Variants in RPSA2 observed in about 807,000 individuals in gnomAD.
RPSA2 encodes the protein small ribosomal subunit protein uS2B.
the RPSA2 span, among the ~76,000 whole-genome samples, chr19:23,868,497 G>A: frequency 6.8e-5 from 10 of 146,182 alleles, no homozygotes; most frequent in African/African-American, 2.0e-4. Flanking sequence ...ACGTTACAAC[G>A]CATGTTGAGA....
chr19:23,848,456 G>C, the RPSA2 span, among the ~76,000 whole-genome samples: 1 of 151,680 alleles, frequency 6.6e-6, no homozygotes, highest in Non-Finnish European at 1.5e-5. Flanking sequence ...CTTAATCCAA[G>C]TCATGGGGTT....
chr19:23,783,022 T>A, the RPSA2 span, among the ~76,000 whole-genome samples: 2 of 152,076 alleles, frequency 1.3e-5, no homozygotes, highest in East Asian at 3.9e-4. Flanking sequence ...TGCATTTAGG[T>A]GCGTCCATCA....
the RPSA2 span, among the ~76,000 whole-genome samples, chr19:23,825,855 C>G: frequency 6.6e-6 from 1 of 152,102 alleles, no homozygotes; most frequent in Non-Finnish European, 1.5e-5. Flanking sequence ...TCCCAATGTA[C>G]TGAGATTACA....
chr19:23,776,947 G>C, the RPSA2 span, among the ~76,000 whole-genome samples: 1 of 152,128 alleles, frequency 6.6e-6, no homozygotes, highest in Non-Finnish European at 1.5e-5. Context: ...AAGTTTCTGG[G>C]CCCAGCACCT....
the RPSA2 span, among the ~76,000 whole-genome samples, chr19:23,760,675 T>A: frequency 2.0e-4 from 30 of 149,068 alleles, no homozygotes; most frequent in African/African-American, 6.9e-4. Flanking sequence ...ATATATTTTT[T>A]TTTTTTTAAG....
At chr19:23,760,344 G>C in the RPSA2 span, among the ~76,000 whole-genome samples, 1 of 152,044 alleles carries the variant, frequency 6.6e-6, no homozygotes, top group African/African-American at 2.4e-5. Flanking sequence ...TTTCAGGCTT[G>C]TATGGGTGTA....
chr19:23,867,952 A>G, the RPSA2 span, among the ~76,000 whole-genome samples: 1 of 152,076 alleles, frequency 6.6e-6, no homozygotes, highest in East Asian at 1.9e-4. Context: ...GGGTGGATCA[A>G]TGGCCCCTAA....
the RPSA2 span, among the ~76,000 whole-genome samples, chr19:23,864,617 A>T: frequency 6.6e-6 from 1 of 152,158 alleles, no homozygotes; most frequent in East Asian, 1.9e-4. Flanking sequence ...AAGTTGGCTT[A>T]TATATATTCA....
chr19:23,861,076 C>A, the RPSA2 span, among the ~76,000 whole-genome samples: 148,818 of 152,294 alleles, frequency 0.98, 72,812 homozygotes, highest in Middle Eastern at 1. Context: ...TGATCTTGGA[C>A]AAATTTTTAG....
chr19:23,829,970 A>C, the RPSA2 span, among the ~76,000 whole-genome samples: 4 of 152,078 alleles, frequency 2.6e-5, no homozygotes, highest in Non-Finnish European at 5.9e-5. Context: ...TTTTCAGTAA[A>C]AGGAACTGTT....
chr19:23,819,268 TG>T, the RPSA2 span: 1 of 152,130 alleles, frequency 6.6e-6, no homozygotes, highest in Non-Finnish European at 1.5e-5. Context: ...GCTTCCACCG[TG>T]TGTAGACTGG....
At chr19:23,823,184 CG>C in the RPSA2 span, among the ~76,000 whole-genome samples, 1 of 152,158 alleles carries the variant, frequency 6.6e-6, no homozygotes, top group African/African-American at 2.4e-5. Flanking sequence ...CCATAGTCCC[CG>C]AATAACCTTT....
At chr19:23,851,841 A>G in the RPSA2 span, among the ~76,000 whole-genome samples, 2 of 152,210 alleles carry the variant, frequency 1.3e-5, no homozygotes, top group African/African-American at 4.8e-5. Context: ...TTTTTGGAAA[A>G]TGATTGTCAA....
the RPSA2 span, among the ~76,000 whole-genome samples, chr19:23,792,317 C>T: frequency 3.3e-5 from 5 of 152,184 alleles, no homozygotes; most frequent in Non-Finnish European, 7.4e-5. Flanking sequence ...GGGGAACCTC[C>T]CCTGCAAATT....
chr19:23,832,529 A>G, the RPSA2 span: 2 of 696,186 alleles, frequency 2.9e-6, no homozygotes, highest in Non-Finnish European at 2.2e-6. Flanking sequence ...ATATAAGATA[A>G]TTCATACTGA....
chr19:23,854,199 T>A, the RPSA2 span, among the ~76,000 whole-genome samples: 1 of 152,198 alleles, frequency 6.6e-6, no homozygotes, highest in African/African-American at 2.4e-5. Flanking sequence ...TTAATGAGAC[T>A]AGTATGAACA....
the RPSA2 span, among the ~76,000 whole-genome samples, chr19:23,826,423 C>A: frequency 6.6e-6 from 1 of 151,874 alleles, no homozygotes; most frequent in East Asian, 1.9e-4. Context: ...AAACTCCTGA[C>A]CTTAGGTAAT....
chr19:23,834,174 C>T, the RPSA2 span, among the ~76,000 whole-genome samples: 1 of 151,880 alleles, frequency 6.6e-6, no homozygotes, highest in Non-Finnish European at 1.5e-5. Flanking sequence ...CTATAGATAG[C>T]ATAAACATTA....
the RPSA2 span, among the ~76,000 whole-genome samples, chr19:23,793,766 A>C: frequency 1.1e-4 from 16 of 151,970 alleles, no homozygotes; most frequent in Admixed American, 5.9e-4. Context: ...GGATTTCACC[A>C]TGTTGGCCAG....
Sources: allele counts gnomAD v4.1 joint callset (sites outside exome capture counted in the v4.1 genomes callset), GRCh38; gene constraint gnomAD v4.1.1; transcripts MANE v1.5; gene names NCBI Gene and HGNC (gene_info 2026-07-23, HGNC 2026-07-21).